The following PTPRQ variants were observed in gnomAD, a reference collection of about 807,000 sequenced individuals.
PTPRQ encodes the protein phosphatidylinositol phosphatase PTPRQ.
A neutral mutation model predicts 246.0 loss-of-function variants in PTPRQ; 199 were observed. That is an observed-to-expected ratio of 0.81 (90% CI 0.72 to 0.91). PTPRQ has a LOEUF of 0.91. Among genes scored for constraint, PTPRQ ranks in the 40% least tolerant of loss-of-function variants. The probability of loss-of-function intolerance (pLI) is 0.00; values close to 1 mark genes in which losing one functional copy is unlikely to be tolerated. For synonymous variants in PTPRQ, 869 were observed against 853.2 expected (o/e 1.02, Z -0.32); for missense variants, 2,624 against 2,528.4 (o/e 1.04, Z -0.81).
chr12:80,558,124 T>TTTCTTTCTTTCTTTCTTTC (rs563723088), intron 25 of PTPRQ, among the ~76,000 whole-genome samples: 3 of 80,934 alleles, frequency 3.7e-5, no homozygotes, highest in African/African-American at 1.7e-4. Context: ...TCTTTCTTTC[T>TTTCTTTCTTTCTTTCTTTC]TTTCTTTTCT....
chr12:80,541,747 A>C lies in PTPRQ; in HGVS notation c.3347A>C (p.Glu1116Ala), dbSNP rs1896160568. The change falls in exon 21 of 45, where the codon GAA becomes GCA. Residue 1116 changes from glutamate (E) to alanine (A), a missense_variant. Physicochemically the swap from Glu to Ala is moderately radical, Grantham distance 107. Transcript: ENST00000644991. ...YERSIYFDNL[E>A]KYTDYILKIT... ...AGAAGCATATATTTTGATAATCTGG[A>C]AAAATACACTGATTATATATTAAAA... 6.4e-7 allele frequency: 1 copy of C among 1,551,102 alleles called. No homozygotes were observed.
chr12:80,465,697 C>A (rs952201571), intron 6 of PTPRQ, among the ~76,000 whole-genome samples: 1 of 151,992 alleles, frequency 6.6e-6, no homozygotes, highest in African/African-American at 2.4e-5. Flanking sequence ...AAGGCTGGTT[C>A]AATATACACA....
chr12:80,676,383 C>T (rs1339938770), intron 43 of PTPRQ, among the ~76,000 whole-genome samples: 2 of 152,180 alleles, frequency 1.3e-5, no homozygotes, highest in Non-Finnish European at 2.9e-5. Flanking sequence ...TGGCTTATGC[C>T]TGTAATCCCA....
At chr12:80,494,789 C>T in intron 10 of PTPRQ, 144 bp from the exon 11 acceptor site, 1 of 690,980 alleles carries the variant, frequency 1.4e-6, no homozygotes. Flanking sequence ...TATTATTACA[C>T]ACCTAACTTT....
intron 26 of PTPRQ, among the ~76,000 whole-genome samples, chr12:80,591,336 C>T (rs1897796094): frequency 6.6e-6 from 1 of 151,920 alleles, no homozygotes; most frequent in African/African-American, 2.4e-5. Flanking sequence ...ACTATATTGC[C>T]CAAGCTGGTC....
intron 14 of PTPRQ, among the ~76,000 whole-genome samples, chr12:80,497,528 G>A (rs1240855911): frequency 6.6e-6 from 1 of 152,016 alleles, no homozygotes; most frequent in Non-Finnish European, 1.5e-5. Flanking sequence ...AGTCCGTGGC[G>A]CTGGGATTGG....
chr12:80,472,245 C>T lies in PTPRQ; in HGVS notation c.1180C>T (p.Pro394Ser), dbSNP rs1200017084. ...PKSNISVFTP[P>S]DVPGAVFDLQ... ...GTCAAATATTTCAGTATTCACTCCA[C>T]CAGATGGTAAGAACATAGGGAATGA... The change falls in exon 8 of 45, where the codon CCA (proline) becomes TCA (serine). Residue 394 changes from proline to serine, a missense_variant. Pro to Ser is a moderately conservative substitution (Grantham distance 74). Coordinates refer to ENST00000644991, the MANE Select transcript of PTPRQ (RefSeq NM_001145026.2). 6.4e-7 allele frequency: 1 copy of T among 1,551,184 alleles called. No individual in the cohort carries two copies. Among genetic ancestry groups the T allele is most frequent in the Non-Finnish European group, 8.7e-7 (1 of 1,146,872 alleles).
intron 32 of PTPRQ, 71 bp downstream of exon 32, chr12:80,620,447 C>T: frequency 6.5e-7 from 1 of 1,530,700 alleles, no homozygotes; most frequent in Non-Finnish European, 8.8e-7. Context: ...ATCCATCTGC[C>T]TGTCCTTTCA....
At chr12:80,466,190 T>C (rs1226948558) in intron 6 of PTPRQ, among the ~76,000 whole-genome samples, 6 of 152,072 alleles carry the variant, frequency 3.9e-5, no homozygotes, top group East Asian at 1.9e-4. Context: ...ACAAAAATCA[T>C]AGGCATTCTT....
intron 28 of PTPRQ, among the ~76,000 whole-genome samples, chr12:80,611,378 A>C (rs1387872981): frequency 6.6e-6 from 1 of 150,394 alleles, no homozygotes; most frequent in Non-Finnish European, 1.5e-5. Context: ...TATAGGAAGT[A>C]AAATTTTTTT....
chr12:80,575,595 A>G (rs1335800315), intron 25 of PTPRQ, among the ~76,000 whole-genome samples: 1 of 151,850 alleles, frequency 6.6e-6, no homozygotes, highest in African/African-American at 2.4e-5. Context: ...TAATCCCAGC[A>G]CTTTGGGAGG....
chr12:80,674,963 A>G (rs1234768311), intron 43 of PTPRQ, among the ~76,000 whole-genome samples: 1 of 152,134 alleles, frequency 6.6e-6, no homozygotes, highest in Non-Finnish European at 1.5e-5. Flanking sequence ...GGCTTGCATG[A>G]TAAATATTAT....
intron 22 of PTPRQ, 34 bp from the exon 23 acceptor site, chr12:80,542,696 A>G: frequency 6.6e-7 from 1 of 1,517,878 alleles, no homozygotes; most frequent in South Asian, 1.3e-5. Flanking sequence ...TAAAAGTTTT[A>G]TGAATGTAAG....
intron 25 of PTPRQ, among the ~76,000 whole-genome samples, chr12:80,558,209 C>G (rs971111540): frequency 8.0e-6 from 1 of 125,430 alleles, no homozygotes; most frequent in African/African-American, 2.9e-5. Context: ...GCTTTGTCAT[C>G]CAGTCTGGAG....
chr12:80,653,600 A>G (rs1370410851), intron 38 of PTPRQ, among the ~76,000 whole-genome samples: 1 of 152,150 alleles, frequency 6.6e-6, no homozygotes, highest in Non-Finnish European at 1.5e-5. Context: ...CTGTGTGTGT[A>G]TATATATATT....
chr12:80,672,839 T>A (rs1901013190), intron 42 of PTPRQ, among the ~76,000 whole-genome samples: 1 of 151,928 alleles, frequency 6.6e-6, no homozygotes, highest in African/African-American at 2.4e-5. Flanking sequence ...CAATACAGAG[T>A]CTCTGGTATT....
chr12:80,546,457 A>C (rs1460010549), intron 23 of PTPRQ, 99 bp from the exon 24 acceptor site: 1 of 1,134,622 alleles, frequency 8.8e-7, no homozygotes, highest in Non-Finnish European at 1.2e-6. Flanking sequence ...TTATTAAACT[A>C]TAGGTTAAAT....
intron 39 of PTPRQ, among the ~76,000 whole-genome samples, chr12:80,659,319 A>T (rs1245091395): frequency 6.6e-6 from 1 of 152,050 alleles, no homozygotes; most frequent in Non-Finnish European, 1.5e-5. Context: ...TTCCATTAAA[A>T]TCTAAACTCT....
At chr12:80,513,772 C>A (rs989959516) in intron 17 of PTPRQ, among the ~76,000 whole-genome samples, 2 of 152,094 alleles carry the variant, frequency 1.3e-5, no homozygotes, top group Non-Finnish European at 2.9e-5. Flanking sequence ...TTTCAAGGTT[C>A]CTATTTTCGG....
Sources: allele counts gnomAD v4.1 joint callset (sites outside exome capture counted in the v4.1 genomes callset), GRCh38; gene constraint gnomAD v4.1.1; transcripts MANE v1.5; gene names NCBI Gene and HGNC (gene_info 2026-07-23, HGNC 2026-07-21).